Variants in LTBP1 observed in about 807,000 individuals in gnomAD.
LTBP1 encodes latent transforming growth factor beta binding protein 1.
LTBP1 carries 129 observed loss-of-function variants against 207.6 expected under a neutral mutation model. That is an observed-to-expected ratio of 0.62 (90% CI 0.54 to 0.72). The LOEUF (loss-of-function observed/expected upper bound fraction) is 0.72, where lower values mean the gene tolerates loss of function less well. LTBP1 is among the 30% of genes least tolerant of loss of function. The pLI is 0.00. For missense variants in LTBP1, 2,281 were observed against 2,217.2 expected (o/e 1.03, Z -0.58); for synonymous variants, 963 against 833.7 (o/e 1.16, Z -2.67).
At chr2:33,152,980 C>A (rs896032301) in intron 5 of LTBP1, among the ~76,000 whole-genome samples, 1 of 152,128 alleles carries the variant, frequency 6.6e-6, no homozygotes, top group Non-Finnish European at 1.5e-5. Flanking sequence ...AGGAGGAGTT[C>A]AGGAAGTAGA....
chr2:33,036,972 A>G (rs1360058676), intron 3 of LTBP1, among the ~76,000 whole-genome samples: 3 of 152,168 alleles, frequency 2.0e-5, no homozygotes, highest in Non-Finnish European at 4.4e-5. Context: ...GAGTAGTTAC[A>G]TTGATCATGC....
At chr2:33,268,431 C>A (rs6730165) in intron 15 of LTBP1, among the ~76,000 whole-genome samples, 6,398 of 152,214 alleles carry the variant, frequency 0.042, 451 homozygotes, top group African/African-American at 0.14. Context: ...GTGATTATAT[C>A]TTTACGATGG....
chr2:33,057,001 A>T (rs1480565138), intron 3 of LTBP1, among the ~76,000 whole-genome samples: 1 of 152,122 alleles, frequency 6.6e-6, no homozygotes, highest in African/African-American at 2.4e-5. Context: ...AGCTAGACAC[A>T]AAAGTTCTCC....
chr2:33,397,369 C>A, intron 33 of LTBP1, 87 bp downstream of exon 33: 1 of 1,504,040 alleles, frequency 6.6e-7, no homozygotes, highest in East Asian at 2.3e-5. Flanking sequence ...GATAGATTTG[C>A]TGAGTTTCAG....
At chr2:33,048,065 A>T (rs1004908164) in intron 3 of LTBP1, among the ~76,000 whole-genome samples, 1 of 152,156 alleles carries the variant, frequency 6.6e-6, no homozygotes, top group Non-Finnish European at 1.5e-5. Context: ...TGAACCTTGC[A>T]TAAATTAAGA....
intron 5 of LTBP1, among the ~76,000 whole-genome samples, chr2:33,139,759 A>C (rs2082490836): frequency 6.6e-6 from 1 of 151,852 alleles, no homozygotes; most frequent in African/African-American, 2.4e-5. Context: ...AGAAGAATTT[A>C]CCCCCCTAGA....
chr2:33,285,389 G>A (rs1375875126), intron 19 of LTBP1, among the ~76,000 whole-genome samples: 1 of 150,490 alleles, frequency 6.6e-6, no homozygotes, highest in African/African-American at 2.4e-5. Context: ...TGAAGCTCAT[G>A]TCATATAGTT....
rs559151095 is a variant in LTBP1 at position 33,273,079 on chromosome 2, T to C, written c.2618-577T>C. Among the ~76,000 whole-genome samples the C allele has an allele frequency of 3.9e-5, 6 of 152,320 alleles. No homozygotes were observed. In the South Asian group the frequency reaches 1.2e-3, roughly 32 times the overall value. On this transcript the variant is annotated intron_variant, in intron 15 of 33. Coordinates refer to ENST00000404816, the MANE Select transcript of LTBP1 (RefSeq NM_206943.4). Reference sequence around the variant, plus strand: ...CTACTTTACCAGTAGAAATAAAATATGTTCATTTTGAAATTGGCAAATAAG... The same window carrying C: ...CTACTTTACCAGTAGAAATAAAATACGTTCATTTTGAAATTGGCAAATAAG...
In LTBP1 at chr2:33,004,814, T is replaced by A. The variant is rs112328623; in HGVS notation, c.566-16095T>A. Among the ~76,000 whole-genome samples, 681 of 136,554 alleles carry A rather than the reference T, an allele frequency of 5.0e-3. 5 individuals are homozygous for A. The highest frequency in any genetic ancestry group is 8.8e-3 in the Non-Finnish European group (542 of 61,504). 89.6% of individuals were successfully genotyped at this position (136,554 alleles called of 152,430 possible). On this transcript the variant is annotated intron_variant, in intron 2 of 33. Transcript: ENST00000404816. ...ATATATATATATATATATATATATA[T>A]AAACATAAAATTTGTAAAATAGTAT...
intron 2 of LTBP1, among the ~76,000 whole-genome samples, chr2:32,956,657 T>TA (rs1558434456): frequency 3.3e-5 from 5 of 152,244 alleles, no homozygotes; most frequent in Admixed American, 3.3e-4. Flanking sequence ...TTAATGTGGA[T>TA]ACTTTAATCT....
intron 2 of LTBP1, among the ~76,000 whole-genome samples, chr2:33,004,988 C>G (rs1379969664): frequency 6.6e-6 from 1 of 151,868 alleles, no homozygotes; most frequent in African/African-American, 2.4e-5. Context: ...TGGGTCTTCT[C>G]CCTGCATCAC....
chr2:33,222,053 T>G (rs2091144744), intron 8 of LTBP1, 27 bp from the exon 9 acceptor site: 2 of 1,543,484 alleles, frequency 1.3e-6, no homozygotes, highest in Middle Eastern at 1.7e-4. Flanking sequence ...AATTTAAGTA[T>G]GTAACAAAGC....
intron 2 of LTBP1, among the ~76,000 whole-genome samples, chr2:33,009,249 A>G (rs1448032629): frequency 6.6e-6 from 1 of 152,134 alleles, no homozygotes; most frequent in Non-Finnish European, 1.5e-5. Flanking sequence ...CAGGATTTGG[A>G]GCTGGATTGG....
In LTBP1 at chr2:32,947,206, G is replaced by C; in HGVS notation, c.-119G>C. ...CTCGCCACCGACTTGGTCTCCTCCC[G>C]CCTTTCCCGGGCTCTCGGCAGCTCT... On this transcript the variant is annotated 5_prime_UTR_variant, in exon 1 of 34. Transcript: ENST00000404816. The C allele has an allele frequency of 1.3e-6, 1 of 767,014 alleles. No homozygotes were observed. The highest frequency in any genetic ancestry group is 6.5e-5 in the South Asian group (1 of 15,310). The allele number at this position is 767,014 out of a possible 1,614,324, so 47.5% of individuals were successfully genotyped here.
intron 7 of LTBP1, among the ~76,000 whole-genome samples, chr2:33,214,445 T>G (rs1048250458): frequency 4.6e-5 from 7 of 152,188 alleles, no homozygotes. Flanking sequence ...TTCTCCCCAC[T>G]CTGCGTGTAC....
chr2:33,043,341 A>G (rs1298719957), intron 3 of LTBP1, among the ~76,000 whole-genome samples: 2 of 152,160 alleles, frequency 1.3e-5, no homozygotes, highest in Non-Finnish European at 2.9e-5. Context: ...TATTAAAAGA[A>G]CCACCTCAGA....
chr2:33,033,407 C>T (rs2075774775), intron 3 of LTBP1, among the ~76,000 whole-genome samples: 1 of 152,092 alleles, frequency 6.6e-6, no homozygotes, highest in Non-Finnish European at 1.5e-5. Context: ...ACCAGGCACC[C>T]TTCTGAATTG....
Position 32,999,620 on chromosome 2 carries a change from G to A in LTBP1, c.566-21289G>A, listed in dbSNP as rs558074617. 5.2e-5 allele frequency among the ~76,000 whole-genome samples: 7 copies of A among 134,092 alleles called. 3 individuals are homozygous for A. Among genetic ancestry groups the A allele is most frequent in the South Asian group, 5.3e-4 (2 of 3,798 alleles). The allele number at this position is 134,092 out of a possible 152,430, so 88.0% of individuals were successfully genotyped here. A position where few individuals can be genotyped will look rare whatever the true frequency, so the allele number is the denominator to read the frequency against. On this transcript the variant is annotated intron_variant, in intron 2 of 33. Coordinates refer to ENST00000404816, the MANE Select transcript of LTBP1 (RefSeq NM_206943.4). ...AAAAGATCCAGAGGCGGCTGGGCGC[G>A]GTGGCTCACGCCTGTAATCCCAGCA...
intron 3 of LTBP1, among the ~76,000 whole-genome samples, chr2:33,049,388 G>T (rs748094243): frequency 2.0e-5 from 3 of 152,160 alleles, no homozygotes; most frequent in Non-Finnish European, 4.4e-5. Context: ...TTATGACTTT[G>T]TAAGTACATT....
Sources: gnomAD v4.1 joint callset for allele counts (sites outside exome capture counted in the v4.1 genomes callset) on GRCh38, gnomAD v4.1.1 for gene constraint, MANE v1.5 for transcripts, NCBI Gene and HGNC (gene_info 2026-07-23, HGNC 2026-07-21) for gene names.